The following CNGB1 variants were observed in gnomAD, a reference collection of about 807,000 sequenced individuals.
The protein encoded by CNGB1 is cyclic nucleotide gated channel subunit beta 1.
A neutral mutation model predicts 151.7 loss-of-function variants in CNGB1; 126 were observed. The observed-to-expected ratio is 0.83, with a 90% confidence interval of 0.72 to 0.96. The LOEUF (loss-of-function observed/expected upper bound fraction) is 0.96, where lower values mean the gene tolerates loss of function less well. Ranked by LOEUF, CNGB1 falls within the 40% of genes least tolerant of loss-of-function variation. The pLI is 0.00. For synonymous variants in CNGB1, 623 were observed against 635.1 expected (o/e 0.98, Z 0.29); for missense variants, 1,698 against 1,627.0 (o/e 1.04, Z -0.75).
intron 17 of CNGB1, among the ~76,000 whole-genome samples, chr16:57,924,195 ACT>A (rs1164591865): frequency 2.6e-5 from 4 of 152,146 alleles, no homozygotes; most frequent in Admixed American, 6.5e-5. Flanking sequence ...TTAGGGGCTA[ACT>A]CTCTGGATTT....
intron 24 of CNGB1, among the ~76,000 whole-genome samples, chr16:57,912,578 G>A (rs1265872011): frequency 1.3e-5 from 2 of 150,544 alleles, no homozygotes; most frequent in Non-Finnish European, 2.9e-5. Context: ...TGTGTTGTGT[G>A]TGTGTGTGTG....
rs570908288 is a variant in CNGB1 at position 57,903,879 on chromosome 16, C to T, written c.2737G>A (p.Val913Met). Residue 913 changes from valine to methionine, a missense_variant, in exon 27 of 33, where the codon GTG becomes ATG. Transcript: ENST00000251102. ...TACCAGGTCTTGACGCGGTTCTGCA[C>T]GGACTTGGGGATCTTGTAGAAATTC... is the stretch of plus-strand genomic sequence containing the variant. ...YMNFYKIPKS[V>M]QNRVKTWYEY... 60 of 1,614,194 alleles carry T rather than the reference C, an allele frequency of 3.7e-5. No individual in the cohort carries two copies. The highest frequency in any genetic ancestry group is 1.3e-4 in the East Asian group (6 of 44,876).
intron 12 of CNGB1, among the ~76,000 whole-genome samples, chr16:57,953,493 T>TAAAAAA (rs61409577): frequency 8.1e-6 from 1 of 122,818 alleles, no homozygotes; most frequent in African/African-American, 3.0e-5. Flanking sequence ...GGCTCAATCT[T>TAAAAAA]AAAAAAAAAA....
chr16:57,961,564 G>A (rs1962255759), intron 7 of CNGB1, among the ~76,000 whole-genome samples: 1 of 152,128 alleles, frequency 6.6e-6, no homozygotes, highest in South Asian at 2.1e-4. Context: ...AGTGGTCCCA[G>A]GAATCAGCTG....
At position 57,888,194 on chromosome 16, in the gene CNGB1, TAG is replaced by T. The variant is rs1469663710; in HGVS notation, c.3243-122_3243-121del. The T allele has an allele frequency of 3.8e-6, 4 of 1,056,218 alleles. No individual in the cohort carries two copies. In the African/African-American group the frequency reaches 4.7e-5, roughly 12 times the overall value. The allele number at this position is 1,056,218 out of a possible 1,614,324, so 65.4% of individuals were successfully genotyped here. The stretch of plus-strand genomic sequence containing the variant: ...TGGTGGTGATTTTGGCTGGTGATTG[TAG>T]AGAGTTTTTTCTGGGCCAAGCGTCG... On this transcript the variant is annotated intron_variant, in intron 31 of 32. Transcript: ENST00000251102.
At chr16:57,907,150 A>T (rs796787715) in intron 25 of CNGB1, among the ~76,000 whole-genome samples, 1 of 152,112 alleles carries the variant, frequency 6.6e-6, no homozygotes, top group Non-Finnish European at 1.5e-5. Flanking sequence ...GGGCAGCTCG[A>T]GCTCCTCCCG....
At position 57,923,486 on chromosome 16, in the gene CNGB1, A is replaced by G. The variant is rs571154943; in HGVS notation, c.1536-106T>C. ...GATCATCTAGAGCCAATTCCTAGATAGAGGATGGGGGGCGGAGCATGAACT... is the reference window on the plus strand; with the variant it reads ...GATCATCTAGAGCCAATTCCTAGATGGAGGATGGGGGGCGGAGCATGAACT... On this transcript the variant is annotated intron_variant, in intron 17 of 32. Coordinates refer to ENST00000251102, the MANE Select transcript of CNGB1 (RefSeq NM_001297.5). 1.7e-5 allele frequency: 15 copies of G among 905,220 alleles called. No individual in the cohort carries two copies. In the East Asian group the frequency reaches 3.8e-4, roughly 23 times the overall value. The allele number at this position is 905,220 out of a possible 1,614,324, so 56.1% of individuals were successfully genotyped here.
intron 17 of CNGB1, among the ~76,000 whole-genome samples, chr16:57,931,126 C>A (rs938559645): frequency 1.3e-5 from 2 of 150,428 alleles, no homozygotes; most frequent in Non-Finnish European, 3.0e-5. Flanking sequence ...TTATGTATTA[C>A]TATATTATTT....
chr16:57,891,495 G>C (rs575077483), intron 31 of CNGB1, among the ~76,000 whole-genome samples: 1 of 152,068 alleles, frequency 6.6e-6, no homozygotes, highest in Non-Finnish European at 1.5e-5. Flanking sequence ...GAAAGAGCAC[G>C]ACCCTGTCTC....
At chr16:57,935,944 G>T (rs778090980) in intron 16 of CNGB1, among the ~76,000 whole-genome samples, 3 of 152,090 alleles carry the variant, frequency 2.0e-5, no homozygotes, top group Non-Finnish European at 1.5e-5. Context: ...GGACAACAGT[G>T]GACGTCTTCC....
At chr16:57,959,865 G>T in intron 10 of CNGB1, 23 bp downstream of exon 10, 1 of 1,493,826 alleles carries the variant, frequency 6.7e-7, no homozygotes, top group Non-Finnish European at 8.9e-7. Context: ...CTGGTGGGAG[G>T]CGCTGCATTG....
intron 16 of CNGB1, among the ~76,000 whole-genome samples, chr16:57,932,866 CCA>C (rs1961396670): frequency 6.6e-6 from 1 of 151,958 alleles, no homozygotes; most frequent in South Asian, 2.1e-4. Context: ...CAGGTGTGAG[CCA>C]CTGCACCCAG....
Position 57,903,849 on chromosome 16 carries a change from A to G in CNGB1, c.2767T>C (p.Tyr923His), listed in dbSNP as rs1960457123. The change falls in exon 27 of 33, where the codon TAC (tyrosine) becomes CAC (histidine). Residue 923 changes from tyrosine (Y) to histidine (H), a missense_variant. By Grantham distance (83) the Tyr-to-His change is moderately conservative. Coordinates refer to ENST00000251102, the MANE Select transcript of CNGB1 (RefSeq NM_001297.5). ...AGCATGCCTTGCGAGTGCCAGGTGT[A>G]CTCGTACCAGGTCTTGACGCGGTTC... ...VQNRVKTWYE[Y>H]TWHSQGMLDE... is the part of the protein sequence containing the mutation. The G allele has an allele frequency of 6.2e-7, 1 of 1,614,138 alleles. No homozygotes were observed. Among genetic ancestry groups the G allele is most frequent in the South Asian group, 1.1e-5 (1 of 91,080 alleles).
chr16:57,958,542 G>A, intron 10 of CNGB1, 57 bp from the exon 11 acceptor site: 1 of 1,484,572 alleles, frequency 6.7e-7, no homozygotes, highest in Non-Finnish European at 9.4e-7. Flanking sequence ...GGTAAACTGA[G>A]GCTGGAGTCA....
intron 17 of CNGB1, 111 bp downstream of exon 17, chr16:57,931,605 G>C (rs1160170332): frequency 8.0e-7 from 1 of 1,244,052 alleles, no homozygotes; most frequent in Non-Finnish European, 1.2e-6. Flanking sequence ...ACACCAACTC[G>C]CTGTGTGATT....
rs60188757 is a variant in CNGB1 at position 57,885,576 on chromosome 16, C to CTCTT, written c.3463-1123_3463-1120dup. On this transcript the variant is annotated intron_variant, in intron 32 of 32. Coordinates refer to ENST00000251102, the MANE Select transcript of CNGB1 (RefSeq NM_001297.5). ...TTCCTTCCTCTCTCTCTCTCTCTCTCTCTTTCTTTCTTTCTTTCTTTCTTT... is the reference window on the plus strand; with the variant it reads ...TTCCTTCCTCTCTCTCTCTCTCTCTCTCTTTCTTTCTTTCTTTCTTTCTTTCTTT... Among the ~76,000 whole-genome samples the CTCTT allele has an allele frequency of 4.3e-3, 531 of 124,334 alleles. 6 individuals are homozygous for CTCTT. Among genetic ancestry groups the CTCTT allele is most frequent in the African/African-American group, 6.0e-3 (192 of 31,928 alleles). The allele number at this position is 124,334 out of a possible 152,430, so 81.6% of individuals were successfully genotyped here.
intron 31 of CNGB1, among the ~76,000 whole-genome samples, chr16:57,891,456 T>C (rs1198530572): frequency 4.6e-5 from 7 of 152,140 alleles, no homozygotes; most frequent in Admixed American, 6.5e-5. Flanking sequence ...CAGTGAGCTA[T>C]GATCGTGTCA....
chr16:57,960,401 G>A (rs1962213564), intron 9 of CNGB1, 81 bp downstream of exon 9: 3 of 1,532,950 alleles, frequency 2.0e-6, no homozygotes, highest in Non-Finnish European at 2.7e-6. Flanking sequence ...GCCTCTGGGG[G>A]ATCCTCCAGG....
At chr16:57,914,396 T>A (rs1345968072) in intron 23 of CNGB1, among the ~76,000 whole-genome samples, 1 of 152,210 alleles carries the variant, frequency 6.6e-6, no homozygotes, top group Non-Finnish European at 1.5e-5. Flanking sequence ...GCTTCCATGC[T>A]CGATTCCACA....
Sources: gnomAD v4.1 joint callset for allele counts (sites outside exome capture counted in the v4.1 genomes callset) on GRCh38, gnomAD v4.1.1 for gene constraint, MANE v1.5 for transcripts, NCBI Gene and HGNC (gene_info 2026-07-23, HGNC 2026-07-21) for gene names.